Variants in RAD51B observed in about 807,000 individuals in gnomAD.
RAD51B encodes the protein RAD51 paralog B, also known as DNA repair protein RAD51 homolog 2.
Under a neutral mutation model 42.2 loss-of-function variants are expected in RAD51B, and 38 were observed. That is an observed-to-expected ratio of 0.90 (90% CI 0.70 to 1.18). RAD51B has a LOEUF of 1.18. RAD51B is among the 50% of genes most tolerant of loss of function. RAD51B has a pLI of 0.00. For missense variants in RAD51B, 373 were observed against 400.7 expected (o/e 0.93, Z 0.59); for synonymous variants, 154 against 145.2 (o/e 1.06, Z -0.43).
At chr14:68,372,863 C>G (rs1009305877) in intron 8 of RAD51B, among the ~76,000 whole-genome samples, 4 of 152,218 alleles carry the variant, frequency 2.6e-5, no homozygotes, top group Admixed American at 2.0e-4. Context: ...TAAATACCAT[C>G]TGGGAAGTTC....
At chr14:67,944,300 T>C (rs2045313634) in intron 7 of RAD51B, among the ~76,000 whole-genome samples, 1 of 151,642 alleles carries the variant, frequency 6.6e-6, no homozygotes, top group African/African-American at 2.4e-5. Flanking sequence ...ACTTGGAAAG[T>C]ATTAGTTGTT....
chr14:68,043,948 A>T (rs2076255694), intron 7 of RAD51B, among the ~76,000 whole-genome samples: 1 of 152,228 alleles, frequency 6.6e-6, no homozygotes, highest in African/African-American at 2.4e-5. Flanking sequence ...GAAACTTTAC[A>T]AATGAGTACC....
At chr14:68,371,062 AAG>A (rs1389805341) in intron 8 of RAD51B, among the ~76,000 whole-genome samples, 47 of 147,136 alleles carry the variant, frequency 3.2e-4, no homozygotes, top group African/African-American at 1.1e-3. Context: ...AAAAGAAAAA[AAG>A]AAAAGAAAAT....
intron 7 of RAD51B, among the ~76,000 whole-genome samples, chr14:68,033,540 A>C (rs2076078292): frequency 7.1e-6 from 1 of 140,786 alleles, no homozygotes; most frequent in South Asian, 2.2e-4. Flanking sequence ...ATTTTGTGAA[A>C]TTTTCAACTA....
chr14:68,275,837 CA>C lies in RAD51B; in HGVS notation c.757-16046del, dbSNP rs1566778291. Among the ~76,000 whole-genome samples the C allele has an allele frequency of 1.3e-3, 183 of 139,680 alleles. 1 individual carries two copies. Among genetic ancestry groups the C allele is most frequent in the African/African-American group, 3.3e-3 (119 of 35,968 alleles). 91.6% of individuals were successfully genotyped at this position (139,680 alleles called of 152,430 possible). A position where few individuals can be genotyped will look rare whatever the true frequency, so the allele number is the denominator to read the frequency against. On this transcript the variant is annotated intron_variant, in intron 7 of 10. Coordinates refer to ENST00000471583, the MANE Select transcript of RAD51B (RefSeq NM_133510.4). Reference sequence around the variant, plus strand: ...ACACACACACACACACACACACACACACACCCTTGAATTCTCAGCTGACATG... The same window carrying C: ...ACACACACACACACACACACACACACCACCCTTGAATTCTCAGCTGACATG...
rs1890019905 is a variant in RAD51B, at chr14:68,577,582, A to C, written c.1037-16903A>C. On this transcript the variant is annotated intron_variant, in intron 10 of 10. Transcript: ENST00000487270. ...CACAAGCCATGAGCCAGGGTTCAAC[A>C]TGCTCCCTTCACTTCAGACCTTCCT... 2.6e-5 allele frequency among the ~76,000 whole-genome samples: 4 copies of C among 151,776 alleles called. 1 individual carries two copies. In the South Asian group the frequency reaches 8.3e-4, roughly 31 times the overall value.
intron 8 of RAD51B, among the ~76,000 whole-genome samples, chr14:68,340,769 C>T (rs929925444): frequency 3.9e-5 from 6 of 152,206 alleles, no homozygotes; most frequent in South Asian, 2.1e-4. Context: ...GGCTCCTATA[C>T]CATCTTGCAT....
chr14:68,639,698 C>T (rs985385803), intron 10 of RAD51B, among the ~76,000 whole-genome samples: 1 of 152,174 alleles, frequency 6.6e-6, no homozygotes, highest in Non-Finnish European at 1.5e-5. Context: ...GAGGAGTGTG[C>T]TGAGACAGAA....
At chr14:68,285,173 A>G (rs2081389896) in intron 7 of RAD51B, among the ~76,000 whole-genome samples, 1 of 152,170 alleles carries the variant, frequency 6.6e-6, no homozygotes, top group Non-Finnish European at 1.5e-5. Context: ...ATGGACCTGA[A>G]CAATTTCTCA....
intron 7 of RAD51B, among the ~76,000 whole-genome samples, chr14:68,081,213 A>G (rs1475621029): frequency 6.6e-6 from 1 of 152,234 alleles, no homozygotes; most frequent in Non-Finnish European, 1.5e-5. Flanking sequence ...ATATTTGAGT[A>G]CTATAGAATG....
chr14:68,454,438 G>A (rs2085632814), intron 9 of RAD51B, among the ~76,000 whole-genome samples: 1 of 152,076 alleles, frequency 6.6e-6, no homozygotes, highest in South Asian at 2.1e-4. Flanking sequence ...AAAAAAACAA[G>A]TGACTCTCAG....
intron 7 of RAD51B, among the ~76,000 whole-genome samples, chr14:68,192,540 T>C (rs1204325240): frequency 2.6e-5 from 4 of 152,308 alleles, no homozygotes; most frequent in Admixed American, 6.5e-5. Flanking sequence ...CCAAGTTTGA[T>C]TGAATCTCAA....
At chr14:68,607,031 T>C (rs567235711) in intron 10 of RAD51B, among the ~76,000 whole-genome samples, 5 of 152,320 alleles carry the variant, frequency 3.3e-5, no homozygotes, top group African/African-American at 1.2e-4. Context: ...ATGTAAATTA[T>C]AAAGTGTCAC....
At chr14:68,303,252 A>G (rs1201927891) in intron 8 of RAD51B, among the ~76,000 whole-genome samples, 5 of 152,118 alleles carry the variant, frequency 3.3e-5, no homozygotes, top group Non-Finnish European at 2.9e-5. Flanking sequence ...GTTCTCACTC[A>G]TAAGTGGGAG....
intron 10 of RAD51B, among the ~76,000 whole-genome samples, chr14:68,558,276 G>A (rs1003581918): frequency 2.0e-5 from 3 of 152,242 alleles, no homozygotes; most frequent in African/African-American, 4.8e-5. Flanking sequence ...AAGCCGGGAA[G>A]AGGGGCCACC....
intron 7 of RAD51B, among the ~76,000 whole-genome samples, chr14:67,947,051 G>A (rs922886450): frequency 6.6e-6 from 1 of 152,100 alleles, no homozygotes; most frequent in African/African-American, 2.4e-5. Flanking sequence ...TATCAGATAG[G>A]GTTGTGGTGA....
intron 7 of RAD51B, among the ~76,000 whole-genome samples, chr14:67,934,484 A>C (rs1287684786): frequency 6.6e-6 from 1 of 152,010 alleles, no homozygotes; most frequent in Non-Finnish European, 1.5e-5. Context: ...TATTTATTTG[A>C]CACGTATTTA....
intron 7 of RAD51B, among the ~76,000 whole-genome samples, chr14:68,111,181 T>C (rs905728405): frequency 6.6e-6 from 1 of 152,112 alleles, no homozygotes; most frequent in Non-Finnish European, 1.5e-5. Context: ...ACAGTAACAT[T>C]TCAGGCCAAA....
chr14:68,532,758 AC>A lies in RAD51B; in HGVS notation c.1037-61726del, dbSNP rs145259534. On this transcript the variant is annotated intron_variant, in intron 10 of 10. Transcript: ENST00000487270. ...GGCACTTGATACCAAACCTAAGAAT[AC>A]AAGAACAGACTAATCCATTATAAAC... Among the ~76,000 whole-genome samples, 1,108 of 152,350 alleles carry A rather than the reference AC, an allele frequency of 7.3e-3. 10 individuals are homozygous for A. The highest frequency in any genetic ancestry group is 0.026 in the African/African-American group (1,081 of 41,588).
Sources: gnomAD v4.1 joint callset for allele counts (sites outside exome capture counted in the v4.1 genomes callset) on GRCh38, gnomAD v4.1.1 for gene constraint, MANE v1.5 for transcripts, NCBI Gene and HGNC (gene_info 2026-07-23, HGNC 2026-07-21) for gene names.